The following MAOA variants were observed in gnomAD, a reference collection of about 807,000 sequenced individuals.
The protein encoded by MAOA is amine oxidase [flavin-containing] A.
MAOA carries 6 observed loss-of-function variants against 42.0 expected under a neutral mutation model. That is an observed-to-expected ratio of 0.14 (90% CI 0.08 to 0.28). MAOA has a LOEUF of 0.28. MAOA is among the 10% of genes least tolerant of loss of function. The pLI is 1.00. For synonymous variants in MAOA, 140 were observed against 154.0 expected (o/e 0.91, Z 0.67); for missense variants, 262 against 422.3 (o/e 0.62, Z 3.33).
intron 3 of MAOA, among the ~76,000 whole-genome samples, chrX:43,700,954 G>A (rs974243593): frequency 1.4e-4 from 16 of 111,872 alleles, no homozygotes; most frequent in African/African-American, 4.9e-4. Context: ...TTACAGGCCT[G>A]TGCTCATGAT....
chrX:43,674,834 T>C (rs1303893022), intron 1 of MAOA, among the ~76,000 whole-genome samples: 3 of 110,715 alleles, frequency 2.7e-5, no homozygotes, highest in Non-Finnish European at 5.7e-5. Context: ...TCTGATGGGC[T>C]TCCCTTTGTG....
At chrX:43,688,843 A>ATAT (rs1159752673) in intron 2 of MAOA, among the ~76,000 whole-genome samples, 1 of 111,720 alleles carries the variant, frequency 9.0e-6, no homozygotes. Flanking sequence ...TTTTGAAGCT[A>ATAT]TATTACTCAG....
intron 5 of MAOA, among the ~76,000 whole-genome samples, chrX:43,727,208 G>A: frequency 8.9e-6 from 1 of 112,288 alleles, no homozygotes; most frequent in Non-Finnish European, 1.9e-5. Flanking sequence ...TGTGCTGGGA[G>A]AACCACTGCT....
At chrX:43,717,140 G>A (rs142865016) in intron 5 of MAOA, among the ~76,000 whole-genome samples, 243 of 110,819 alleles carry the variant, frequency 2.2e-3, no homozygotes, top group African/African-American at 7.4e-3. Flanking sequence ...CAGGGGTAAG[G>A]GTAAACAGGA....
chrX:43,707,018 T>A (rs766880444), intron 3 of MAOA, among the ~76,000 whole-genome samples: 3 of 111,105 alleles, frequency 2.7e-5, no homozygotes, highest in Non-Finnish European at 5.7e-5. Context: ...CTTGAAATGG[T>A]GTGAGAGGTT....
At position 43,665,597 on chromosome X, in the gene MAOA, G is replaced by A. The variant is rs74723110; in HGVS notation, c.73+9183G>A. Among the ~76,000 whole-genome samples the A allele has an allele frequency of 6.5e-3, 730 of 111,553 alleles. 6 individuals are homozygous for A. The highest frequency in any genetic ancestry group is 0.01 in the African/African-American group (317 of 30,758). ...TTTTATCTAAAGTGAAGATGAATGC[G>A]GAACAATAATCAAATAAATTAGGAC... On this transcript the variant is annotated intron_variant, in intron 1 of 14. Transcript: ENST00000338702.
intron 2 of MAOA, among the ~76,000 whole-genome samples, chrX:43,684,288 A>G (rs1437810227): frequency 9.0e-6 from 1 of 111,049 alleles, no homozygotes; most frequent in East Asian, 2.8e-4. Flanking sequence ...ATTTACTACT[A>G]TTAAGGGAAT....
chrX:43,670,936 T>C (rs1268265336), intron 1 of MAOA, among the ~76,000 whole-genome samples: 49 of 100,260 alleles, frequency 4.9e-4, no homozygotes, highest in Admixed American at 8.6e-4. Context: ...GCATGATTTA[T>C]AGTCCTTTGG....
At chrX:43,695,018 C>T (rs1186677272) in intron 3 of MAOA, among the ~76,000 whole-genome samples, 2 of 112,109 alleles carry the variant, frequency 1.8e-5, no homozygotes, top group Non-Finnish European at 3.8e-5. Context: ...GCATTATCAT[C>T]CCCATTTTAC....
At chrX:43,692,565 A>G (rs1323648503) in intron 2 of MAOA, among the ~76,000 whole-genome samples, 3 of 109,447 alleles carry the variant, frequency 2.7e-5, no homozygotes, top group African/African-American at 1.0e-4. Context: ...GCATGACAAC[A>G]TGCTTGAGAA....
chrX:43,667,481 A>C (rs966058962), intron 1 of MAOA, among the ~76,000 whole-genome samples: 17 of 111,490 alleles, frequency 1.5e-4, no homozygotes, highest in Middle Eastern at 4.2e-3. Context: ...ATACTTGTGA[A>C]GGGGTAAGTA....
chrX:43,670,421 T>C (rs2033319553), intron 1 of MAOA, among the ~76,000 whole-genome samples: 1 of 111,238 alleles, frequency 9.0e-6, no homozygotes, highest in Admixed American at 9.6e-5. Flanking sequence ...TCAATTGCAG[T>C]CTCTGAAGTT....
intron 3 of MAOA, among the ~76,000 whole-genome samples, chrX:43,700,498 G>A (rs1056467893): frequency 8.9e-6 from 1 of 111,816 alleles, no homozygotes; most frequent in Non-Finnish European, 1.9e-5. Flanking sequence ...CACAGTGGTT[G>A]TACATGGGAG....
intron 5 of MAOA, among the ~76,000 whole-genome samples, chrX:43,720,000 A>T (rs1205945875): frequency 9.1e-6 from 1 of 110,182 alleles, no homozygotes; most frequent in African/African-American, 3.3e-5. Context: ...AAGAGTAGAT[A>T]GTTCTGTGTA....
intron 3 of MAOA, among the ~76,000 whole-genome samples, chrX:43,695,556 C>T (rs1192675884): frequency 9.1e-6 from 1 of 110,134 alleles, no homozygotes; most frequent in Middle Eastern, 4.2e-3. Flanking sequence ...CATAGTGAGA[C>T]CTCTTCTCTA....
intron 11 of MAOA, 136 bp from the exon 12 acceptor site, chrX:43,741,814 C>T: frequency 9.2e-7 from 1 of 1,087,833 alleles, no homozygotes; most frequent in East Asian, 3.3e-5. Flanking sequence ...TATCATGTTT[C>T]CCCTTAAGTG....
chrX:43,723,540 C>G (rs1249240281), intron 5 of MAOA, among the ~76,000 whole-genome samples: 1 of 111,726 alleles, frequency 9.0e-6, no homozygotes, highest in Non-Finnish European at 1.9e-5. Context: ...GATTTTGTAT[C>G]CTGAGACTTT....
At chrX:43,676,431 C>T (rs765785342) in intron 1 of MAOA, among the ~76,000 whole-genome samples, 9 of 111,264 alleles carry the variant, frequency 8.1e-5, no homozygotes, top group South Asian at 3.8e-4. Flanking sequence ...CTTTGGCTCG[C>T]GCACGGTGCA....
At chrX:43,739,701 C>T (rs189425111) in intron 10 of MAOA, among the ~76,000 whole-genome samples, 26 of 112,291 alleles carry the variant, frequency 2.3e-4, no homozygotes, top group African/African-American at 7.8e-4. Flanking sequence ...CCTTTTGCCA[C>T]ATTTTTAAGC....
Sources: allele counts gnomAD v4.1 joint callset (sites outside exome capture counted in the v4.1 genomes callset), GRCh38; gene constraint gnomAD v4.1.1; transcripts MANE v1.5; gene names NCBI Gene and HGNC (gene_info 2026-07-23, HGNC 2026-07-21).